Variants in SCAF11 observed in about 807,000 individuals in gnomAD.
The protein encoded by SCAF11 is SR-related CTD associated factor 11, also known as protein SCAF11.
In SCAF11, 47 loss-of-function variants were observed where a neutral mutation model predicts 140.5. That is an observed-to-expected ratio of 0.33 (90% CI 0.26 to 0.43). The LOEUF is 0.43. SCAF11 is among the 20% of genes least tolerant of loss of function. The probability of loss-of-function intolerance (pLI) is 1.00; values close to 1 mark genes in which losing one functional copy is unlikely to be tolerated. For synonymous variants in SCAF11, 557 were observed against 579.4 expected (o/e 0.96, Z 0.55); for missense variants, 1,645 against 1,705.1 (o/e 0.96, Z 0.62).
chr12:45,966,998 G>A (rs542804877), intron 1 of SCAF11, among the ~76,000 whole-genome samples: 1 of 152,272 alleles, frequency 6.6e-6, no homozygotes, highest in South Asian at 2.1e-4. Flanking sequence ...ATCCCTTTAT[G>A]TAACGCAATG....
At chr12:45,956,631 G>T (rs1021109815) in intron 3 of SCAF11, among the ~76,000 whole-genome samples, 1 of 152,128 alleles carries the variant, frequency 6.6e-6, no homozygotes, top group Non-Finnish European at 1.5e-5. Context: ...TTAACCCCCA[G>T]TAAGAACACA....
chr12:45,932,481 T>A (rs1282714841), intron 9 of SCAF11, among the ~76,000 whole-genome samples: 2 of 152,126 alleles, frequency 1.3e-5, no homozygotes, highest in East Asian at 3.8e-4. Flanking sequence ...TGACTTCTAT[T>A]ATGTTCTGCC....
At chr12:45,923,202 G>T in intron 12 of SCAF11, 48 bp from the exon 13 acceptor site, 1 of 1,520,264 alleles carries the variant, frequency 6.6e-7, no homozygotes, top group Non-Finnish European at 9.1e-7. Flanking sequence ...GTACTCGATA[G>T]AAGTCTTTTA....
chr12:45,984,016 G>T (rs1371514979), intron 1 of SCAF11, among the ~76,000 whole-genome samples: 2 of 152,124 alleles, frequency 1.3e-5, no homozygotes, highest in Non-Finnish European at 2.9e-5. Flanking sequence ...TTTACAAAAA[G>T]GAATAAGTAT....
intron 3 of SCAF11, among the ~76,000 whole-genome samples, chr12:45,956,384 C>CTAAT (rs1238416687): frequency 4.6e-5 from 7 of 152,144 alleles, no homozygotes; most frequent in African/African-American, 1.7e-4. Context: ...CCATTAGTGG[C>CTAAT]TAATGCTTAT....
intron 8 of SCAF11, 36 bp from the exon 9 acceptor site, chr12:45,933,268 A>C: frequency 1.4e-6 from 2 of 1,466,640 alleles, no homozygotes; most frequent in Non-Finnish European, 1.9e-6. Context: ...TCAGAATCTC[A>C]CAATTTTAGG....
At chr12:45,957,813 A>T (rs916742455) in intron 3 of SCAF11, among the ~76,000 whole-genome samples, 1 of 152,202 alleles carries the variant, frequency 6.6e-6, no homozygotes, top group Admixed American at 6.5e-5. Flanking sequence ...TGCTTTAAAC[A>T]TGTGTCTTCA....
At chr12:45,987,863 T>C (rs1446999656) in intron 1 of SCAF11, among the ~76,000 whole-genome samples, 2 of 152,194 alleles carry the variant, frequency 1.3e-5, no homozygotes, top group Non-Finnish European at 2.9e-5. Flanking sequence ...ACAGTGACTT[T>C]TTAGGAAGAT....
chr12:45,943,800 G>A (rs1020479689), intron 6 of SCAF11, among the ~76,000 whole-genome samples: 2 of 152,160 alleles, frequency 1.3e-5, no homozygotes, highest in South Asian at 2.1e-4. Context: ...ATCTTAAGTA[G>A]ATACAGCATT....
rs138601301 is a variant in SCAF11, at chr12:45,926,263, G to A, written c.3438C>T (p.Ser1146=). ...PADRSGWTSA[S]SWAVRKTLPA... is the part of the protein sequence containing the mutation. Reference sequence around the variant, plus strand: ...GCAAAGTCTTTCTCACGGCCCAGCTGGATGCAGATGTCCATCCAGATCTAT... The same window carrying A: ...GCAAAGTCTTTCTCACGGCCCAGCTAGATGCAGATGTCCATCCAGATCTAT... Residue 1146 remains serine (S), a synonymous_variant, in exon 11 of 15, where the codon TCC becomes TCT. Coordinates refer to ENST00000369367, the MANE Select transcript of SCAF11 (RefSeq NM_004719.3). 2.1e-4 allele frequency: 341 copies of A among 1,614,126 alleles called. No individual in the cohort carries two copies. The African/African-American group carries it at 4.3e-3, about 20-fold the overall frequency.
chr12:45,972,095 G>A (rs1043621921), intron 1 of SCAF11, among the ~76,000 whole-genome samples: 3 of 152,060 alleles, frequency 2.0e-5, no homozygotes, highest in South Asian at 2.1e-4. Context: ...GCATACCACC[G>A]ACTCTGAAAA....
chr12:45,961,992 C>A, intron 2 of SCAF11, 135 bp from the exon 3 acceptor site: 1 of 533,646 alleles, frequency 1.9e-6, no homozygotes, highest in South Asian at 7.3e-5. Flanking sequence ...TAAATTATAG[C>A]AAACATACTG....
At chr12:45,938,892 A>G (rs888028731) in intron 6 of SCAF11, among the ~76,000 whole-genome samples, 1 of 149,578 alleles carries the variant, frequency 6.7e-6, no homozygotes, top group Non-Finnish European at 1.5e-5. Flanking sequence ...TCTGTAAACT[A>G]TATCAATTAT....
intron 6 of SCAF11, among the ~76,000 whole-genome samples, chr12:45,934,759 C>G (rs1945131809): frequency 6.6e-6 from 1 of 152,194 alleles, no homozygotes. Context: ...GCTATGTTTA[C>G]AACATATGAG....
At chr12:45,949,408 T>TG (rs1945499133) in intron 4 of SCAF11, among the ~76,000 whole-genome samples, 1 of 152,148 alleles carries the variant, frequency 6.6e-6, no homozygotes, top group African/African-American at 2.4e-5. Flanking sequence ...AGCTAATACA[T>TG]TAGATATATT....
chr12:45,965,152 G>C (rs780252729), intron 1 of SCAF11, among the ~76,000 whole-genome samples: 1 of 152,154 alleles, frequency 6.6e-6, no homozygotes, highest in Non-Finnish European at 1.5e-5. Flanking sequence ...ATTCTATGAA[G>C]AAGAGTGACA....
intron 1 of SCAF11, 89 bp downstream of exon 1, chr12:45,990,264 C>T: frequency 8.1e-7 from 1 of 1,229,862 alleles, no homozygotes; most frequent in Non-Finnish European, 1.0e-6. Flanking sequence ...GCCCTAGGCC[C>T]GCTCCAGCGC....
intron 1 of SCAF11, among the ~76,000 whole-genome samples, chr12:45,972,529 A>G (rs1946097414): frequency 1.3e-5 from 2 of 150,868 alleles, no homozygotes; most frequent in African/African-American, 4.9e-5. Context: ...AGGATGAAGG[A>G]AAGTACAATC....
chr12:45,977,189 G>C (rs939175752), intron 1 of SCAF11, among the ~76,000 whole-genome samples: 13 of 151,562 alleles, frequency 8.6e-5, no homozygotes, highest in Non-Finnish European at 1.8e-4. Context: ...TACATGAAAA[G>C]AACAAATTTA....
Sources: allele counts gnomAD v4.1 joint callset (sites outside exome capture counted in the v4.1 genomes callset), GRCh38; gene constraint gnomAD v4.1.1; transcripts MANE v1.5; gene names NCBI Gene and HGNC (gene_info 2026-07-23, HGNC 2026-07-21).